Variants in UNC79 observed in about 807,000 individuals in gnomAD.
The protein encoded by UNC79 is protein unc-79 homolog.
UNC79 carries 37 observed loss-of-function variants against 283.1 expected under a neutral mutation model. That is an observed-to-expected ratio of 0.13 (90% CI 0.10 to 0.17). The LOEUF (loss-of-function observed/expected upper bound fraction) is 0.17. Ranked by LOEUF, UNC79 falls within the 10% of genes least tolerant of loss-of-function variation. The pLI is 1.00. For missense variants in UNC79, 2,272 were observed against 3,211.1 expected (o/e 0.71, Z 7.07); for synonymous variants, 1,107 against 1,200.2 (o/e 0.92, Z 1.61).
intron 4 of UNC79, among the ~76,000 whole-genome samples, chr14:93,478,630 A>T (rs1443318716): frequency 6.6e-6 from 1 of 152,152 alleles, no homozygotes; most frequent in African/African-American, 2.4e-5. Flanking sequence ...TGCCTCATGA[A>T]GTTGTGGGAT....
At chr14:93,371,827 G>A (rs992182373) in intron 1 of UNC79, among the ~76,000 whole-genome samples, 7 of 151,366 alleles carry the variant, frequency 4.6e-5, no homozygotes, top group Non-Finnish European at 7.4e-5. Context: ...GGGAAAGATC[G>A]AGACTCCGTC....
At chr14:93,653,556 C>T (rs2070555952) in intron 35 of UNC79, among the ~76,000 whole-genome samples, 186 bp from the exon 39 acceptor site, 2 of 152,136 alleles carry the variant, frequency 1.3e-5, no homozygotes, top group South Asian at 4.2e-4. Context: ...TCATGGTTCT[C>T]TCTTTCTAAA....
chr14:93,630,726 T>A, intron 30 of UNC79, 75 bp from the exon 33 acceptor site: 1 of 1,163,944 alleles, frequency 8.6e-7, no homozygotes, highest in Non-Finnish European at 1.3e-6. Flanking sequence ...AGACAAGAGG[T>A]AAAAGATATA....
chr14:93,383,337 A>C (rs1225169783), intron 1 of UNC79, among the ~76,000 whole-genome samples: 1 of 152,198 alleles, frequency 6.6e-6, no homozygotes, highest in African/African-American at 2.4e-5. Flanking sequence ...TAGGGAAGAC[A>C]AGTAGAAAAA....
intron 1 of UNC79, among the ~76,000 whole-genome samples, chr14:93,416,083 T>G (rs1016551505): frequency 7.3e-6 from 1 of 137,802 alleles, no homozygotes; most frequent in African/African-American, 2.6e-5. Context: ...TGTTTGCTCT[T>G]GCTTTTCTAG....
intron 27 of UNC79, among the ~76,000 whole-genome samples, chr14:93,615,332 G>A (rs376375290): frequency 2.0e-5 from 3 of 152,042 alleles, no homozygotes; most frequent in Non-Finnish European, 2.9e-5. Context: ...ATGGATCACC[G>A]CTTTTTCTCA....
chr14:93,346,300 G>A (rs561080528), intron 1 of UNC79, among the ~76,000 whole-genome samples: 2 of 152,314 alleles, frequency 1.3e-5, no homozygotes, highest in Admixed American at 1.3e-4. Flanking sequence ...GATCATTGTA[G>A]TGGATAAAGT....
At chr14:93,538,890 T>G (rs2061228763) in intron 12 of UNC79, among the ~76,000 whole-genome samples, 1 of 151,860 alleles carries the variant, frequency 6.6e-6, no homozygotes, top group Non-Finnish European at 1.5e-5. Flanking sequence ...ATTTTTTGTT[T>G]GCTTGTTTTT....
At chr14:93,670,475 T>G (rs1361162148) in intron 40 of UNC79, among the ~76,000 whole-genome samples, 1 of 152,202 alleles carries the variant, frequency 6.6e-6, no homozygotes, top group East Asian at 1.9e-4. Flanking sequence ...CATTTACCAG[T>G]TATAAAGGAT....
At chr14:93,363,060 G>T (rs1037449258) in intron 1 of UNC79, among the ~76,000 whole-genome samples, 16 of 151,990 alleles carry the variant, frequency 1.1e-4, no homozygotes, top group Admixed American at 9.8e-4. Flanking sequence ...ATGTTGGGTT[G>T]TTAATATGAG....
chr14:93,487,806 A>C, intron 5 of UNC79, 51 bp downstream of exon 5: 2 of 1,542,408 alleles, frequency 1.3e-6, no homozygotes, highest in Non-Finnish European at 1.8e-6. Context: ...ATAATTAAAC[A>C]AGACATCAAA....
At chr14:93,538,249 G>A (rs906459892) in intron 12 of UNC79, 31 bp downstream of exon 12, 7 of 1,509,400 alleles carry the variant, frequency 4.6e-6, no homozygotes, top group Non-Finnish European at 6.2e-6. Flanking sequence ...AGCTGCCTCT[G>A]ACAACTCCAC....
exon 4 of UNC79, chr14:93,477,653 T>C (rs747966260): frequency 1.8e-5 from 29 of 1,613,542 alleles, no homozygotes; most frequent in Non-Finnish European, 2.4e-5. Flanking sequence ...GATATCAACG[T>C]TGGCTACCTT....
At chr14:93,602,984 G>C (rs770954868) in intron 25 of UNC79, among the ~76,000 whole-genome samples, 5 of 152,062 alleles carry the variant, frequency 3.3e-5, no homozygotes, top group Non-Finnish European at 7.3e-5. Context: ...CTGAATAGGT[G>C]GAGAAAAGAC....
Position 93,367,392 on chromosome 14 carries a change from G to A in UNC79, c.-351+33869G>A, listed in dbSNP as rs561084963. On this transcript the variant is annotated intron_variant, in intron 1 of 49. Coordinates refer to the UNC79 transcript ENST00000256339. ...AAAGTGGATGGTAGCCAGCAGGGAA[G>A]GCTATAAATACTGATACTGATGGAG... 9.9e-5 allele frequency among the ~76,000 whole-genome samples: 15 copies of A among 152,266 alleles called. No individual in the cohort carries two copies. In the South Asian group the frequency reaches 3.1e-3, roughly 32 times the overall value.
intron 1 of UNC79, among the ~76,000 whole-genome samples, chr14:93,451,149 C>T (rs2056628665): frequency 6.6e-6 from 1 of 151,334 alleles, no homozygotes; most frequent in African/African-American, 2.4e-5. Flanking sequence ...TTTTCCTCTT[C>T]CTTACAGACT....
chr14:93,387,362 A>G (rs1364950106), intron 1 of UNC79, among the ~76,000 whole-genome samples: 2 of 151,846 alleles, frequency 1.3e-5, no homozygotes, highest in African/African-American at 2.4e-5. Context: ...TTCTTTTTCA[A>G]TGTAAACATG....
chr14:93,571,823 G>T, intron 14 of UNC79, 71 bp from the exon 15 acceptor site: 1 of 1,542,270 alleles, frequency 6.5e-7, no homozygotes, highest in East Asian at 2.3e-5. Context: ...CATTGCCTTA[G>T]GAAGTCCTTG....
intron 26 of UNC79, among the ~76,000 whole-genome samples, chr14:93,609,405 A>G (rs1309718202): frequency 6.6e-6 from 1 of 152,204 alleles, no homozygotes; most frequent in Non-Finnish European, 1.5e-5. Context: ...ATCTGAATAA[A>G]TAATGCTGTA....
Sources: gnomAD v4.1 joint callset for allele counts (sites outside exome capture counted in the v4.1 genomes callset) on GRCh38, gnomAD v4.1.1 for gene constraint, MANE v1.5 for transcripts, NCBI Gene and HGNC (gene_info 2026-07-23, HGNC 2026-07-21) for gene names.